PGLS: variants seen among roughly 807,000 people sequenced by gnomAD.
PGLS encodes 6-phosphogluconolactonase.
Under a neutral mutation model 23.2 loss-of-function variants are expected in PGLS, and 21 were observed. The observed-to-expected ratio is 0.91, with a 90% CI of 0.64 to 1.31. The LOEUF is 1.31. Ranked by LOEUF, PGLS falls within the 50% of genes most tolerant of loss-of-function variation. The pLI is 0.00. For synonymous variants in PGLS, 179 were observed against 165.4 expected (o/e 1.08, Z -0.63); for missense variants, 410 against 354.0 (o/e 1.16, Z -1.27).
At position 17,514,658 on chromosome 19, in the gene PGLS, A is replaced by AT. The variant is rs796322929; in HGVS notation, c.289-1504dup. Among the ~76,000 whole-genome samples, 896 of 147,032 alleles carry AT rather than the reference A, an allele frequency of 6.1e-3. 5 individuals are homozygous for AT. The highest frequency in any genetic ancestry group is 0.015 in the South Asian group (67 of 4,610). On this transcript the variant is annotated intron_variant, in intron 1 of 4. Coordinates refer to ENST00000252603, the MANE Select transcript of PGLS (RefSeq NM_012088.3). ...AGGTGTGCACCACCAGGCCCAGCTA[A>AT]TTTTTTTTTTTGAGTTGGAGTTTCA...
Position 17,511,754 on chromosome 19 carries a change from C to G in PGLS, c.82C>G (p.Gln28Glu). Residue 28 changes from glutamine (Q) to glutamate (E), a missense_variant, in exon 1 of 5, where the codon CAG (glutamine) becomes GAG (glutamate). Gln to Glu is a conservative substitution (Grantham distance 29, BLOSUM62 2). Transcript: ENST00000252603. ...TGCGGCGCTAGCGCAGCTGGTGGCC[C>G]AGCGCGCAGCATGCTGCCTGGCAGG... is the stretch of plus-strand genomic sequence containing the variant. ...LGAALAQLVA[Q>E]RAACCLAGAR... 1 of 1,499,862 alleles carries G rather than the reference C, an allele frequency of 6.7e-7. No homozygotes were observed. The highest frequency in any genetic ancestry group is 8.8e-7 in the Non-Finnish European group (1 of 1,132,158). The allele number at this position is 1,499,862 out of a possible 1,614,324, so 92.9% of individuals were successfully genotyped here. A position where few individuals can be genotyped will look rare whatever the true frequency, so the allele number is the denominator to read the frequency against.
chr19:17,513,512 T>A (rs112151067), intron 1 of PGLS, among the ~76,000 whole-genome samples: 50 of 137,812 alleles, frequency 3.6e-4, no homozygotes, highest in African/African-American at 3.0e-4. Context: ...GTCTTAAAGA[T>A]AAAAAAAAAA....
Position 17,511,821 on chromosome 19 carries a change from T to C in PGLS, c.149T>C (p.Leu50Pro). ...GCGCTCGGCCTGTCGGGCGGGAGCC[T>C]CGTCTCGATGCTAGCCCGCGAGCTA... Reference protein sequence around the residue: ...RFALGLSGGSLVSMLARELPA... With the variant: ...RFALGLSGGSPVSMLARELPA... The change falls in exon 1 of 5, where the codon CTC (leucine) becomes CCC (proline). Residue 50 changes from leucine (L) to proline (P), a missense_variant. By Grantham distance (98) the Leu-to-Pro change is moderately conservative (BLOSUM62 -3). Transcript: ENST00000252603. 1.3e-6 allele frequency: 2 copies of C among 1,516,092 alleles called. No homozygotes were observed. Among genetic ancestry groups the C allele is most frequent in the African/African-American group, 1.4e-5 (1 of 69,486 alleles). 93.9% of individuals were successfully genotyped at this position (1,516,092 alleles called of 1,614,324 possible).
chr19:17,512,407 G>A, intron 1 of PGLS: 1 of 173,936 alleles, frequency 5.7e-6, no homozygotes, highest in Non-Finnish European at 1.2e-5. Flanking sequence ...TCATCCGGTG[G>A]CCAGGCAGAG....
chr19:17,518,226 A>C (rs1776162498), intron 4 of PGLS: 1 of 159,342 alleles, frequency 6.3e-6, no homozygotes, highest in South Asian at 1.8e-4. Flanking sequence ...AAATCTACAA[A>C]AGTCAGTGGC....
At position 17,517,696 on chromosome 19, in the gene PGLS, G is replaced by A. The variant is rs371012097; in HGVS notation, c.499-14G>A. 4.3e-6 allele frequency: 7 copies of A among 1,613,708 alleles called. No homozygotes were observed. The African/African-American group carries it at 9.3e-5, about 22-fold the overall frequency. ...ATTGTCCTTCTGCCTCCATCCCTGG[G>A]CTTCCTCCCCAAGGAGCGGGAGAAG... On this transcript the variant is annotated splice_polypyrimidine_tract_variant and intron_variant, in intron 3 of 4. Coordinates refer to ENST00000252603, the MANE Select transcript of PGLS (RefSeq NM_012088.3).
intron 1 of PGLS, chr19:17,515,949 C>T (rs867152298): frequency 2.7e-5 from 12 of 438,092 alleles, no homozygotes; most frequent in Middle Eastern, 7.0e-4. Context: ...CCCTGACAGG[C>T]GGCGTCACCC....
intron 1 of PGLS, chr19:17,512,947 G>A (rs1156917086): frequency 6.6e-6 from 1 of 152,258 alleles, no homozygotes; most frequent in African/African-American, 2.4e-5. Flanking sequence ...TTTCACAGAT[G>A]GAGAAACTGA....
In PGLS at chr19:17,517,310, C is replaced by T. The variant is rs201908078; in HGVS notation, c.419C>T (p.Pro140Leu). 4.6e-5 allele frequency: 74 copies of T among 1,613,832 alleles called. No individual in the cohort carries two copies. The highest frequency in any genetic ancestry group is 5.5e-5 in the Non-Finnish European group (65 of 1,179,886). The change falls in exon 3 of 5, where the codon CCG becomes CTG. Residue 140 changes from proline (P) to leucine (L), a missense_variant. Pro to Leu is a moderately conservative substitution (Grantham distance 98). Coordinates refer to ENST00000252603, the MANE Select transcript of PGLS (RefSeq NM_012088.3). Reference protein sequence around the residue: ...LRQAFQGDSIPVFDLLILGVG... With the variant: ...LRQAFQGDSILVFDLLILGVG... Reference sequence around the variant, plus strand: ...CAGGCATTCCAAGGGGACTCCATCCCGGTTTTCGACCTGCTGATCCTGGGG... The same window carrying T: ...CAGGCATTCCAAGGGGACTCCATCCTGGTTTTCGACCTGCTGATCCTGGGG...
Position 17,521,277 on chromosome 19 carries a change from G to A in PGLS, c.*196G>A, listed in dbSNP as rs1313807743. On this transcript the variant is annotated 3_prime_UTR_variant, in exon 5 of 5. Transcript: ENST00000252603. ...TCTGGACATCCGGATATTAAAAGGA[G>A]CGTTGCTGGAAGTCTGCACTGTCTC... 1.7e-6 allele frequency: 1 copy of A among 577,360 alleles called. No individual in the cohort carries two copies. Among genetic ancestry groups the A allele is most frequent in the Admixed American group, 3.4e-5 (1 of 29,204 alleles). 35.8% of individuals were successfully genotyped at this position (577,360 alleles called of 1,614,324 possible).
In PGLS at chr19:17,511,817, A is replaced by G. The variant is rs2144639441; in HGVS notation, c.145A>G (p.Ser49Gly). The G allele has an allele frequency of 6.6e-7, 1 of 1,512,126 alleles. No individual in the cohort carries two copies. Among genetic ancestry groups the G allele is most frequent in the East Asian group, 2.7e-5 (1 of 37,462 alleles). 93.7% of individuals were successfully genotyped at this position (1,512,126 alleles called of 1,614,324 possible). Reference sequence around the variant, plus strand: ...TTTCGCGCTCGGCCTGTCGGGCGGGAGCCTCGTCTCGATGCTAGCCCGCGA... The same window carrying G: ...TTTCGCGCTCGGCCTGTCGGGCGGGGGCCTCGTCTCGATGCTAGCCCGCGA... ...ARFALGLSGG[S>G]LVSMLARELP... The change falls in exon 1 of 5, where the codon AGC becomes GGC. Residue 49 changes from serine (S) to glycine (G), a missense_variant. Coordinates refer to ENST00000252603, the MANE Select transcript of PGLS (RefSeq NM_012088.3).
At chr19:17,517,126 A>C (rs2075537048) in intron 2 of PGLS, among the ~76,000 whole-genome samples, 162 bp from the exon 3 acceptor site, 1 of 151,324 alleles carries the variant, frequency 6.6e-6, no homozygotes, top group South Asian at 2.1e-4. Context: ...CTCGTGATCC[A>C]CCTACCTCGG....
Position 17,511,815 on chromosome 19 carries a change from G to A in PGLS, c.143G>A (p.Gly48Glu). The A allele has an allele frequency of 2.0e-6, 3 of 1,512,550 alleles. No individual in the cohort carries two copies. The highest frequency in any genetic ancestry group is 2.6e-6 in the Non-Finnish European group (3 of 1,134,948). 93.7% of individuals were successfully genotyped at this position (1,512,550 alleles called of 1,614,324 possible). Residue 48 changes from glycine (G) to glutamate (E), a missense_variant, in exon 1 of 5, where the codon GGG becomes GAG. Coordinates refer to ENST00000252603, the MANE Select transcript of PGLS (RefSeq NM_012088.3). ...CGTTTCGCGCTCGGCCTGTCGGGCG[G>A]GAGCCTCGTCTCGATGCTAGCCCGC... The part of the protein sequence containing the change: ...RARFALGLSG[G>E]SLVSMLAREL...
chr19:17,517,748 G>A lies in PGLS; in HGVS notation c.537G>A (p.Pro179=), dbSNP rs748786428. 34 of 1,613,934 alleles carry A rather than the reference G, an allele frequency of 2.1e-5. 1 individual carries two copies. The highest frequency in any genetic ancestry group is 4.4e-5 in the South Asian group (4 of 91,084). ...EKIVAPISDS[P]KPPPQRVTLT... is the part of the protein sequence containing the mutation. ...TTGTGGCTCCCATCAGTGACTCCCC[G>A]AAGCCACCGCCACAGCGTGTGACCC... The change falls in exon 4 of 5, where the codon CCG becomes CCA. Residue 179 remains proline (P), a synonymous_variant. Transcript: ENST00000252603.
chr19:17,516,770 G>A (rs2075534861), intron 2 of PGLS, among the ~76,000 whole-genome samples: 2 of 150,616 alleles, frequency 1.3e-5, no homozygotes, highest in South Asian at 4.2e-4. Context: ...TATTTTTTTA[G>A]TAGAGACGGG....
intron 1 of PGLS, 119 bp downstream of exon 1, chr19:17,512,079 C>A: frequency 6.5e-6 from 7 of 1,078,696 alleles, no homozygotes; most frequent in Non-Finnish European, 8.9e-6. Flanking sequence ...GTCTGCACCT[C>A]GGCTACGGGG....
intron 4 of PGLS, among the ~76,000 whole-genome samples, chr19:17,518,809 A>C (rs1009063134): frequency 4.6e-5 from 7 of 152,018 alleles, no homozygotes; most frequent in Non-Finnish European, 1.0e-4. Context: ...GGGATTACAG[A>C]TATGAGTCAC....
At position 17,511,973 on chromosome 19, in the gene PGLS, G is replaced by A. The variant is rs1219254683; in HGVS notation, c.288+13G>A. On this transcript the variant is annotated intron_variant, in intron 1 of 4. Coordinates refer to ENST00000252603, the MANE Select transcript of PGLS (RefSeq NM_012088.3). ...CGGCCTCTACCGGGTGAGAGCTACGGGGGCCGCCGGGGATCACGCCGAGAG... is the reference window on the plus strand; with the variant it reads ...CGGCCTCTACCGGGTGAGAGCTACGAGGGCCGCCGGGGATCACGCCGAGAG... The A allele has an allele frequency of 1.3e-6, 2 of 1,535,084 alleles. No homozygotes were observed. Among genetic ancestry groups the A allele is most frequent in the East Asian group, 2.6e-5 (1 of 39,018 alleles).
intron 1 of PGLS, chr19:17,515,944 A>G: frequency 4.6e-6 from 2 of 432,234 alleles, no homozygotes; most frequent in Non-Finnish European, 8.8e-6. Flanking sequence ...CTCTGCCCTG[A>G]CAGGCGGCGT....
Sources: gnomAD v4.1 joint callset for allele counts (sites outside exome capture counted in the v4.1 genomes callset) on GRCh38, gnomAD v4.1.1 for gene constraint, MANE v1.5 for transcripts, NCBI Gene and HGNC (gene_info 2026-07-23, HGNC 2026-07-21) for gene names.